The following KAT2B variants were observed in gnomAD, a reference collection of about 807,000 sequenced individuals.
The protein encoded by KAT2B is histone acetyltransferase KAT2B.
A neutral mutation model predicts 105.9 loss-of-function variants in KAT2B; 36 were observed. The observed-to-expected ratio is 0.34, with a 90% CI of 0.26 to 0.45. The LOEUF (loss-of-function observed/expected upper bound fraction) is 0.45. KAT2B is among the 20% of genes least tolerant of loss of function. The pLI, the probability that KAT2B is intolerant of heterozygous loss-of-function variation, is 1.00. For missense variants in KAT2B, 820 were observed against 1,021.6 expected (o/e 0.80, Z 2.69); for synonymous variants, 397 against 377.9 (o/e 1.05, Z -0.59).
intron 2 of KAT2B, among the ~76,000 whole-genome samples, chr3:20,091,325 A>T (rs1171630790): frequency 6.6e-6 from 1 of 151,926 alleles, no homozygotes; most frequent in Admixed American, 6.6e-5. Flanking sequence ...AATCCTTTGT[A>T]TTTCTGTGGT....
At chr3:20,145,554 G>GTTTTTTTTTATTTTT (rs1699769473) in intron 13 of KAT2B, among the ~76,000 whole-genome samples, 1 of 92,084 alleles carries the variant, frequency 1.1e-5, no homozygotes, top group Non-Finnish European at 2.0e-5. Flanking sequence ...GATTTTTTTA[G>GTTTTTTTTTATTTTT]TTTTTTTTTT....
chr3:20,054,101 G>T (rs1697963478), intron 1 of KAT2B, among the ~76,000 whole-genome samples: 1 of 151,360 alleles, frequency 6.6e-6, no homozygotes, highest in Non-Finnish European at 1.5e-5. Flanking sequence ...TCCGGCTTTA[G>T]ACTTATTTTT....
Position 20,040,697 on chromosome 3 carries a change from C to G in KAT2B, c.220C>G (p.Arg74Gly). ...AGGACCGGGAGGCGGTGGCTCGGCC[C>G]GAATCGCCGTGAAGAAAGCGCAACT... is the stretch of plus-strand genomic sequence containing the variant. ...AEGPGGGGSA[R>G]IAVKKAQLRS... The change falls in exon 1 of 18, where the codon CGA (arginine) becomes GGA (glycine). Residue 74 changes from arginine to glycine, a missense_variant. Physicochemically the swap from Arg to Gly is moderately radical, Grantham distance 125. Coordinates refer to ENST00000263754, the MANE Select transcript of KAT2B (RefSeq NM_003884.5). The G allele has an allele frequency of 6.3e-7, 1 of 1,579,700 alleles. No individual in the cohort carries two copies. Among genetic ancestry groups the G allele is most frequent in the Non-Finnish European group, 8.6e-7 (1 of 1,167,432 alleles).
chr3:20,104,641 G>A (rs961415670), intron 5 of KAT2B, among the ~76,000 whole-genome samples: 8 of 152,180 alleles, frequency 5.3e-5, no homozygotes, highest in African/African-American at 1.9e-4. Context: ...ATAACTTACA[G>A]CAGTTACTGT....
intron 2 of KAT2B, among the ~76,000 whole-genome samples, chr3:20,092,289 C>G (rs1698733501): frequency 6.7e-6 from 1 of 148,492 alleles, no homozygotes; most frequent in Non-Finnish European, 1.5e-5. Context: ...AGTGCAGTGG[C>G]ATGATCTAGG....
At chr3:20,053,288 A>G (rs1697946841) in intron 1 of KAT2B, among the ~76,000 whole-genome samples, 1 of 152,086 alleles carries the variant, frequency 6.6e-6, no homozygotes, top group African/African-American at 2.4e-5. Context: ...GTGGGATCCT[A>G]CTTTTGGGTG....
intron 1 of KAT2B, among the ~76,000 whole-genome samples, chr3:20,053,748 A>G (rs1008993234): frequency 1.3e-5 from 2 of 152,032 alleles, no homozygotes; most frequent in Admixed American, 1.3e-4. Flanking sequence ...TCTACAATAG[A>G]CTTTCTTTAA....
intron 2 of KAT2B, among the ~76,000 whole-genome samples, chr3:20,080,984 A>C (rs1698509046): frequency 1.3e-5 from 2 of 152,308 alleles, no homozygotes; most frequent in South Asian, 4.1e-4. Flanking sequence ...GCTCTCATCT[A>C]ATGGGCTCTT....
At chr3:20,109,290 A>G (rs1699078144) in intron 5 of KAT2B, among the ~76,000 whole-genome samples, 1 of 138,680 alleles carries the variant, frequency 7.2e-6, no homozygotes, top group Non-Finnish European at 1.5e-5. Context: ...CCCCAGATAG[A>G]TAGATAGATA....
chr3:20,097,526 TA>T (rs35736178), intron 3 of KAT2B, among the ~76,000 whole-genome samples: 60,814 of 151,930 alleles, frequency 0.4, 12,743 homozygotes, highest in East Asian at 0.64. Context: ...AAATAATGAT[TA>T]AAATTTTTTT....
intron 5 of KAT2B, among the ~76,000 whole-genome samples, chr3:20,105,806 A>C (rs1698991362): frequency 6.6e-6 from 1 of 151,404 alleles, no homozygotes; most frequent in Non-Finnish European, 1.5e-5. Flanking sequence ...GTCTGAAAAA[A>C]AAAAAAAAAA....
At chr3:20,133,068 T>C (rs1200748571) in intron 11 of KAT2B, among the ~76,000 whole-genome samples, 2 of 152,220 alleles carry the variant, frequency 1.3e-5, no homozygotes, top group Admixed American at 1.3e-4. Flanking sequence ...ATGTAAGACA[T>C]ATACAAATGC....
intron 6 of KAT2B, among the ~76,000 whole-genome samples, chr3:20,112,822 TTAGA>T (rs1699144875): frequency 6.6e-6 from 1 of 152,230 alleles, no homozygotes; most frequent in African/African-American, 2.4e-5. Context: ...GATAGTGTTA[TTAGA>T]TTATGGAATT....
chr3:20,116,457 T>G (rs190317339), intron 7 of KAT2B, among the ~76,000 whole-genome samples: 3 of 152,304 alleles, frequency 2.0e-5, no homozygotes, highest in African/African-American at 7.2e-5. Context: ...GAATTTGAAA[T>G]GCACTGTATA....
chr3:20,056,741 C>T (rs1698010005), intron 1 of KAT2B, among the ~76,000 whole-genome samples: 1 of 152,124 alleles, frequency 6.6e-6, no homozygotes. Context: ...TAATAGTGTC[C>T]TTGCCTTTTA....
intron 11 of KAT2B, among the ~76,000 whole-genome samples, chr3:20,134,397 T>TTTG (rs1044518186): frequency 6.6e-6 from 1 of 152,056 alleles, no homozygotes; most frequent in African/African-American, 2.4e-5. Context: ...TTTTGTTGTT[T>TTTG]TTGTTGTTGT....
At chr3:20,148,192 A>T in intron 15 of KAT2B, 51 bp from the exon 16 acceptor site, 1 of 1,503,318 alleles carries the variant, frequency 6.7e-7, no homozygotes, top group Non-Finnish European at 9.2e-7. Flanking sequence ...ATCAGCTGGC[A>T]ATAGGGTAAA....
rs781294913 is a variant in KAT2B, at chr3:20,119,609, C to T, written c.1162C>T (p.Pro388Ser). The change falls in exon 8 of 18, where the codon CCT becomes TCT. Residue 388 changes from proline to serine, a missense_variant. Physicochemically the swap from Pro to Ser is moderately conservative, Grantham distance 74. Coordinates refer to ENST00000263754, the MANE Select transcript of KAT2B (RefSeq NM_003884.5). ...TTTTGCCGGGGCAGTTATCAATCCA[C>T]CTCCTGTGGCTGGGACAATTTCATA... ...QLGIQTVINP[P>S]PVAGTISYNS... is the part of the protein sequence containing the mutation. 3 of 1,614,092 alleles carry T rather than the reference C, an allele frequency of 1.9e-6. No homozygotes were observed. The highest frequency in any genetic ancestry group is 2.2e-5 in the South Asian group (2 of 91,090).
At chr3:20,062,430 A>G (rs189110619) in intron 1 of KAT2B, among the ~76,000 whole-genome samples, 5,423 of 95,398 alleles carry the variant, frequency 0.057, 168 homozygotes, top group Non-Finnish European at 0.066. Flanking sequence ...ATTATATATA[A>G]TATATAATAT....
Sources: allele counts gnomAD v4.1 joint callset (sites outside exome capture counted in the v4.1 genomes callset), GRCh38; gene constraint gnomAD v4.1.1; transcripts MANE v1.5; gene names NCBI Gene and HGNC (gene_info 2026-07-23, HGNC 2026-07-21).